GPHN: variants seen among roughly 807,000 people sequenced by gnomAD.
GPHN encodes gephyrin.
GPHN carries 17 observed loss-of-function variants against 95.5 expected under a neutral mutation model. The ratio of observed to expected loss-of-function variants is 0.18; its 90% confidence interval spans 0.12 to 0.27. The LOEUF is 0.27. Among genes scored for constraint, GPHN ranks in the 10% least tolerant of loss-of-function variants. The probability of loss-of-function intolerance (pLI) is 1.00; values close to 1 mark genes in which losing one functional copy is unlikely to be tolerated. For missense variants in GPHN, 660 were observed against 978.1 expected, an observed-to-expected ratio of 0.67 and a Z score of 4.34; for synonymous variants, 320 against 322.5, an observed-to-expected ratio of 0.99 and a Z score of 0.08.
chr14:67,332,635 C>A, the GPHN span: 3 of 725,378 alleles, frequency 4.1e-6, no homozygotes, highest in Non-Finnish European at 4.3e-6. Flanking sequence ...GTGGCCGTGA[C>A]AGGGTTGGAA....
the GPHN span, among the ~76,000 whole-genome samples, chr14:67,465,610 A>C: frequency 6.6e-6 from 1 of 152,026 alleles, no homozygotes; most frequent in Non-Finnish European, 1.5e-5. Flanking sequence ...TCCAGCTTTC[A>C]CTCCTCATGG....
the GPHN span, chr14:67,350,551 G>T: frequency 7.0e-7 from 1 of 1,428,628 alleles, no homozygotes; most frequent in Non-Finnish European, 9.7e-7. Flanking sequence ...CTTTTTAAAT[G>T]AAATTATGAG....
chr14:66,779,535 T>C (rs2059530024), intron 3 of GPHN, among the ~76,000 whole-genome samples: 1 of 152,156 alleles, frequency 6.6e-6, no homozygotes, highest in Non-Finnish European at 1.5e-5. Context: ...AGGCACCCTG[T>C]CTGATAATAC....
intron 11 of GPHN, among the ~76,000 whole-genome samples, chr14:67,075,482 G>C (rs962610778): frequency 6.6e-6 from 1 of 152,132 alleles, no homozygotes; most frequent in East Asian, 1.9e-4. Context: ...CAATATTCAA[G>C]TGTTATTATT....
At chr14:67,578,170 CG>C in the GPHN span, 1 of 1,613,902 alleles carries the variant, frequency 6.2e-7, no homozygotes, top group Non-Finnish European at 8.5e-7. This position sits in a 1 kb window ranked among gnomAD's most constrained non-coding sequence, Gnocchi z 5.0. Flanking sequence ...GACCAGCTGC[CG>C]CCCACCTCAG....
intron 2 of GPHN, among the ~76,000 whole-genome samples, chr14:66,749,878 G>A (rs1401511228): frequency 6.6e-6 from 1 of 151,416 alleles, no homozygotes; most frequent in Non-Finnish European, 1.5e-5. Flanking sequence ...TAGTAGGTCT[G>A]TGTATTTGTA....
chr14:67,199,007 GGAGGACAACA>G, the GPHN span: 1 of 707,908 alleles, frequency 1.4e-6, no homozygotes, highest in South Asian at 1.5e-5. Flanking sequence ...GGGTGACAAG[GGAGGACAACA>G]GACACTTCAA....
chr14:66,588,822 CAGG>C (rs1188257847), intron 1 of GPHN, among the ~76,000 whole-genome samples: 1 of 152,064 alleles, frequency 6.6e-6, no homozygotes, highest in Non-Finnish European at 1.5e-5. Flanking sequence ...GGATATTATC[CAGG>C]AGAACTTTCC....
chr14:67,724,008 G>C, the GPHN span, among the ~76,000 whole-genome samples: 1 of 152,234 alleles, frequency 6.6e-6, no homozygotes, highest in South Asian at 2.1e-4. Context: ...AGAGTGCTAA[G>C]AGCAGTACCT....
the GPHN span, among the ~76,000 whole-genome samples, chr14:67,540,348 G>A: frequency 5.3e-5 from 8 of 151,950 alleles, no homozygotes; most frequent in African/African-American, 1.5e-4. Flanking sequence ...ATTATCGGCC[G>A]GGTACAGTGG....
At chr14:66,946,032 T>G (rs1292357620) in intron 8 of GPHN, among the ~76,000 whole-genome samples, 1 of 152,212 alleles carries the variant, frequency 6.6e-6, no homozygotes, top group Non-Finnish European at 1.5e-5. Context: ...CTGAAATTTT[T>G]TTTTAATTTA....
At chr14:67,478,968 G>C in the GPHN span, among the ~76,000 whole-genome samples, 3 of 152,148 alleles carry the variant, frequency 2.0e-5, no homozygotes, top group Non-Finnish European at 4.4e-5. Flanking sequence ...GCAAAGGCAT[G>C]CATATGTGCA....
chr14:67,089,153 T>TTTG (rs2077047205), intron 12 of GPHN, 78 bp downstream of exon 12: 1 of 498,336 alleles, frequency 2.0e-6, no homozygotes, highest in Non-Finnish European at 3.6e-6. Context: ...TTTTTTTTTT[T>TTTG]TTTTTCAAAT....
At chr14:67,305,530 C>T in the GPHN span, among the ~76,000 whole-genome samples, 1 of 152,254 alleles carries the variant, frequency 6.6e-6, no homozygotes, top group South Asian at 2.1e-4. Context: ...GTCCACCCGC[C>T]TCGGCCTCCC....
At chr14:67,545,465 C>G in the GPHN span, among the ~76,000 whole-genome samples, 9 of 151,776 alleles carry the variant, frequency 5.9e-5, no homozygotes, top group Non-Finnish European at 1.2e-4. Flanking sequence ...ATTCATACCT[C>G]AAATCAGTAG....
intron 1 of GPHN, among the ~76,000 whole-genome samples, chr14:66,671,192 A>G (rs1005215431): frequency 1.3e-5 from 2 of 152,194 alleles, no homozygotes; most frequent in African/African-American, 2.4e-5. Context: ...TTAACTTGGC[A>G]TATTAATCAT....
At chr14:67,618,518 C>T in the GPHN span, among the ~76,000 whole-genome samples, 1 of 151,966 alleles carries the variant, frequency 6.6e-6, no homozygotes, top group Non-Finnish European at 1.5e-5. Context: ...GGGCCATAGG[C>T]ACATGCCACC....
At chr14:67,373,027 T>G in the GPHN span, among the ~76,000 whole-genome samples, 1 of 152,212 alleles carries the variant, frequency 6.6e-6, no homozygotes, top group Admixed American at 6.5e-5. Context: ...ATCAATAGAT[T>G]GACTTTTTAA....
At chr14:67,600,280 A>C in the GPHN span, 1 of 1,286,912 alleles carries the variant, frequency 7.8e-7, no homozygotes, top group Non-Finnish European at 1.0e-6. Flanking sequence ...CCCGCTCCAG[A>C]CCCGCTTCCG....
Sources: allele counts gnomAD v4.1 joint callset (sites outside exome capture counted in the v4.1 genomes callset), GRCh38; gene constraint gnomAD v4.1.1; non-coding constraint Gnocchi (gnomAD v3.1); transcripts MANE v1.5; gene names NCBI Gene and HGNC (gene_info 2026-07-23, HGNC 2026-07-21).